Variants in UMAD1 observed in about 807,000 individuals in gnomAD.
UMAD1 encodes the protein UBAP1-MVB12-associated (UMA) domain containing 1.
In UMAD1, 8 loss-of-function variants were observed where a neutral mutation model predicts 6.1. The observed-to-expected ratio is 1.30, with a 90% confidence interval of 0.76 to 2.35. The LOEUF (loss-of-function observed/expected upper bound fraction) is 2.35, where lower values mean the gene tolerates loss of function less well. Among genes scored for constraint, UMAD1 ranks in the 30% most tolerant of loss-of-function variants. UMAD1 has a pLI of 0.00. For missense variants in UMAD1, 130 were observed against 78.4 expected, an observed-to-expected ratio of 1.66 and a Z score of -2.49; for synonymous variants, 56 against 31.4, an observed-to-expected ratio of 1.78 and a Z score of -2.61.
At chr7:7,845,211 C>T (rs776919315) in intron 3 of UMAD1, among the ~76,000 whole-genome samples, 13 of 151,824 alleles carry the variant, frequency 8.6e-5, no homozygotes, top group East Asian at 1.9e-4. Context: ...TTTGGACTGA[C>T]GTTTTAGATA....
chr7:7,667,532 A>C (rs1779496617), intron 1 of UMAD1, among the ~76,000 whole-genome samples: 1 of 152,106 alleles, frequency 6.6e-6, no homozygotes, highest in Admixed American at 6.5e-5. Flanking sequence ...TTTTCCCTAA[A>C]TGTAAGTTCA....
At chr7:7,675,058 T>G (rs1779704772) in intron 2 of UMAD1, among the ~76,000 whole-genome samples, 1 of 152,142 alleles carries the variant, frequency 6.6e-6, no homozygotes, top group Admixed American at 6.5e-5. Flanking sequence ...AGAGATGGGG[T>G]CTTGCCATGT....
intron 3 of UMAD1, among the ~76,000 whole-genome samples, chr7:7,812,998 A>G (rs1783050595): frequency 6.6e-6 from 1 of 152,158 alleles, no homozygotes; most frequent in Admixed American, 6.5e-5. Flanking sequence ...GGCAGTGGAA[A>G]AGTAACATGT....
In UMAD1 at chr7:7,685,333, C is replaced by T. The variant is rs533968979; in HGVS notation, c.82+11880C>T. On this transcript the variant is annotated intron_variant, in intron 2 of 3. Transcript: ENST00000682710. ...ATTGATCTTTTTTTTTTTTTTGAGA[C>T]GGAGTCTTGCTCTGTCTCCAGGCTG... is the stretch of plus-strand genomic sequence containing the variant. 3.6e-5 allele frequency among the ~76,000 whole-genome samples: 5 copies of T among 139,732 alleles called. No homozygotes were observed. The South Asian group carries it at 8.9e-4, about 25-fold the overall frequency. 91.7% of individuals were successfully genotyped at this position (139,732 alleles called of 152,430 possible). A position where few individuals can be genotyped will look rare whatever the true frequency, so the allele number is the denominator to read the frequency against.
intron 2 of UMAD1, among the ~76,000 whole-genome samples, chr7:7,763,662 AG>A (rs751214109): frequency 6.6e-6 from 1 of 152,240 alleles, no homozygotes; most frequent in Non-Finnish European, 1.5e-5. Flanking sequence ...AGATCACCTG[AG>A]GTCAGGAGTT....
At position 7,812,063 on chromosome 7, in the gene UMAD1, T is replaced by A. The variant is rs117918380; in HGVS notation, c.156+10320T>A. 6.1e-3 allele frequency among the ~76,000 whole-genome samples: 932 copies of A among 152,330 alleles called. 21 individuals carry two copies. Among genetic ancestry groups the A allele is most frequent in the Admixed American group, 0.049 (750 of 15,298 alleles). On this transcript the variant is annotated intron_variant, in intron 3 of 3. Coordinates refer to ENST00000682710, the MANE Select transcript of UMAD1 (RefSeq NM_001302348.2). ...TTTGTACATTTTTGTTACCACAACA[T>A]CTGTATCCTAACTTCACCTTTGCTG...
At chr7:7,649,912 C>T (rs1468163717) in intron 1 of UMAD1, among the ~76,000 whole-genome samples, 3 of 152,186 alleles carry the variant, frequency 2.0e-5, no homozygotes, top group Admixed American at 6.5e-5. Flanking sequence ...GAAAAGATGG[C>T]TGTCTGTGAA....
At chr7:7,827,373 A>G (rs1456527015) in intron 3 of UMAD1, among the ~76,000 whole-genome samples, 1 of 152,104 alleles carries the variant, frequency 6.6e-6, no homozygotes, top group Non-Finnish European at 1.5e-5. Flanking sequence ...AAACGAGAAT[A>G]GCAGAGGGCA....
chr7:7,810,167 G>A (rs774552180), intron 3 of UMAD1, among the ~76,000 whole-genome samples: 43 of 151,722 alleles, frequency 2.8e-4, no homozygotes, highest in Non-Finnish European at 4.1e-4. Context: ...TTAAAGCATC[G>A]GGGGGTTACA....
intron 3 of UMAD1, among the ~76,000 whole-genome samples, chr7:7,814,344 C>G (rs921725379): frequency 6.6e-6 from 1 of 152,074 alleles, no homozygotes; most frequent in African/African-American, 2.4e-5. Context: ...TTTCTCATGG[C>G]CATTGTAAAT....
intron 2 of UMAD1, among the ~76,000 whole-genome samples, chr7:7,726,754 C>A (rs1305675087): frequency 6.6e-6 from 1 of 152,172 alleles, no homozygotes; most frequent in Non-Finnish European, 1.5e-5. Context: ...ACAACGATTC[C>A]ATTAAACTGG....
At chr7:7,784,912 G>T (rs1200567262) in intron 2 of UMAD1, among the ~76,000 whole-genome samples, 1 of 151,750 alleles carries the variant, frequency 6.6e-6, no homozygotes, top group Non-Finnish European at 1.5e-5. Flanking sequence ...ACAGGCGCCC[G>T]CCACCTCGCC....
chr7:7,828,074 CTT>C (rs1311473241), intron 3 of UMAD1, among the ~76,000 whole-genome samples: 2 of 152,150 alleles, frequency 1.3e-5, no homozygotes, highest in African/African-American at 4.8e-5. Flanking sequence ...GAAAGAGACT[CTT>C]TGTCATTCAC....
intron 2 of UMAD1, among the ~76,000 whole-genome samples, chr7:7,757,152 G>A (rs1393132249): frequency 6.6e-6 from 1 of 152,190 alleles, no homozygotes; most frequent in Non-Finnish European, 1.5e-5. Flanking sequence ...CCATTCATAA[G>A]CAACTATCAA....
chr7:7,853,830 G>C (rs1358881109), intron 3 of UMAD1, among the ~76,000 whole-genome samples: 3 of 152,030 alleles, frequency 2.0e-5, no homozygotes, highest in Admixed American at 2.0e-4. Context: ...GCCCTGACTA[G>C]AACCTCTGGT....
chr7:7,804,870 G>A (rs10215612), intron 3 of UMAD1, among the ~76,000 whole-genome samples: 139,057 of 151,934 alleles, frequency 0.92, 63,740 homozygotes, highest in African/African-American at 0.97. Context: ...AGTCCCAGCT[G>A]CTTGGGAGGC....
chr7:7,866,185 AT>A (rs1244749816), intron 3 of UMAD1, among the ~76,000 whole-genome samples: 4 of 152,188 alleles, frequency 2.6e-5, no homozygotes, highest in Non-Finnish European at 5.9e-5. Context: ...TGAATATAAA[AT>A]TTATGAAGAG....
intron 3 of UMAD1, among the ~76,000 whole-genome samples, chr7:7,863,984 A>G (rs1784176751): frequency 6.6e-6 from 1 of 152,218 alleles, no homozygotes; most frequent in Admixed American, 6.5e-5. Flanking sequence ...AGAAATATAT[A>G]TCTGGTCTTT....
chr7:7,719,981 G>A (rs1481080373), intron 2 of UMAD1, among the ~76,000 whole-genome samples: 1 of 152,136 alleles, frequency 6.6e-6, no homozygotes, highest in Non-Finnish European at 1.5e-5. Context: ...TTGGACTTGA[G>A]CCTTTATTTT....
Sources: allele counts gnomAD v4.1 joint callset (sites outside exome capture counted in the v4.1 genomes callset), GRCh38; gene constraint gnomAD v4.1.1; transcripts MANE v1.5; gene names NCBI Gene and HGNC (gene_info 2026-07-23, HGNC 2026-07-21).